NAALADL2: variants seen among roughly 807,000 people sequenced by gnomAD.
NAALADL2 encodes the protein inactive N-acetylated-alpha-linked acidic dipeptidase-like protein 2.
In NAALADL2, 76 loss-of-function variants were observed where a neutral mutation model predicts 87.2. That is an observed-to-expected ratio of 0.87 (90% CI 0.72 to 1.05). NAALADL2 has a LOEUF of 1.05. NAALADL2 is among the 50% of genes least tolerant of loss of function. NAALADL2 has a pLI of 0.00. For missense variants in NAALADL2, 1,089 were observed against 945.8 expected (o/e 1.15, Z -1.99); for synonymous variants, 354 against 331.0 (o/e 1.07, Z -0.75).
intron 13 of NAALADL2, among the ~76,000 whole-genome samples, chr3:175,783,735 C>G (rs898152235): frequency 6.6e-6 from 1 of 151,056 alleles, no homozygotes; most frequent in Admixed American, 6.6e-5. Flanking sequence ...ACTTCCAACA[C>G]TATGTTGAAT....
chr3:174,702,619 G>A (rs1045621113), intron 2 of NAALADL2, among the ~76,000 whole-genome samples: 1 of 152,186 alleles, frequency 6.6e-6, no homozygotes, highest in Non-Finnish European at 1.5e-5. Flanking sequence ...TACACAGCTA[G>A]GCTATGATAT....
chr3:174,453,164 A>G (rs1040828676), intron 1 of NAALADL2, among the ~76,000 whole-genome samples: 22 of 152,350 alleles, frequency 1.4e-4, no homozygotes, highest in Non-Finnish European at 1.9e-4. Context: ...AGCATAATAG[A>G]AAACTGAGGA....
chr3:175,796,337 C>G (rs1322484623), intron 13 of NAALADL2, among the ~76,000 whole-genome samples: 1 of 152,132 alleles, frequency 6.6e-6, no homozygotes, highest in South Asian at 2.1e-4. Flanking sequence ...AAAGGAGTCT[C>G]CACACACAGA....
chr3:174,945,276 T>C (rs1361545112), intron 1 of NAALADL2, among the ~76,000 whole-genome samples: 1 of 152,200 alleles, frequency 6.6e-6, no homozygotes, highest in African/African-American at 2.4e-5. Context: ...AGTACTGGTA[T>C]CACTACTTGA....
intron 1 of NAALADL2, among the ~76,000 whole-genome samples, chr3:174,469,145 T>C (rs1441655198): frequency 1.3e-5 from 2 of 152,224 alleles, no homozygotes; most frequent in Non-Finnish European, 2.9e-5. Flanking sequence ...TTTGTTCTTT[T>C]GGCTATCCTT....
At chr3:175,613,589 T>C (rs1724954791) in intron 10 of NAALADL2, among the ~76,000 whole-genome samples, 1 of 152,204 alleles carries the variant, frequency 6.6e-6, no homozygotes, top group Non-Finnish European at 1.5e-5. Flanking sequence ...CATCTGACTG[T>C]ATTAAATATA....
At chr3:175,635,402 TC>T (rs1467245212) in intron 11 of NAALADL2, among the ~76,000 whole-genome samples, 4 of 152,102 alleles carry the variant, frequency 2.6e-5, no homozygotes, top group African/African-American at 2.4e-5. Flanking sequence ...AGGCTGCTAT[TC>T]TTTTATCATA....
chr3:174,931,020 G>A (rs1736818552), intron 1 of NAALADL2, among the ~76,000 whole-genome samples: 1 of 151,718 alleles, frequency 6.6e-6, no homozygotes, highest in Non-Finnish European at 1.5e-5. Flanking sequence ...ATACTATCAG[G>A]TTCTTGATGA....
intron 10 of NAALADL2, among the ~76,000 whole-genome samples, chr3:175,592,884 TATA>T (rs1412275779): frequency 6.6e-6 from 1 of 151,848 alleles, no homozygotes; most frequent in Admixed American, 6.6e-5. Context: ...AAACTTAAAG[TATA>T]ATAATAATAA....
At chr3:174,860,970 A>C (rs977191735) in intron 1 of NAALADL2, among the ~76,000 whole-genome samples, 3 of 152,120 alleles carry the variant, frequency 2.0e-5, no homozygotes, top group Non-Finnish European at 2.9e-5. Flanking sequence ...AAAACCATGC[A>C]CAAAATTCAA....
At chr3:174,565,754 T>G (rs28711577) in intron 2 of NAALADL2, among the ~76,000 whole-genome samples, 3,093 of 152,152 alleles carry the variant, frequency 0.02, 108 homozygotes, top group African/African-American at 0.07. Context: ...CTAAATTGTC[T>G]TCTGAGGTGT....
intron 1 of NAALADL2, among the ~76,000 whole-genome samples, chr3:174,862,175 G>A (rs915948162): frequency 6.6e-6 from 1 of 152,012 alleles, no homozygotes; most frequent in African/African-American, 2.4e-5. Context: ...TATGGCATAA[G>A]GAATAGGGGT....
chr3:175,360,365 C>A lies in NAALADL2; in HGVS notation c.1090+36040C>A, dbSNP rs558715269. Among the ~76,000 whole-genome samples the A allele has an allele frequency of 1.6e-4, 25 of 152,186 alleles. No homozygotes were observed. In the East Asian group the frequency reaches 3.7e-3, roughly 22 times the overall value. ...AAATATATCAGATGTTCTTTCCATT[C>A]CATTCTTTTAAGCTGAAGATATTGA... On this transcript the variant is annotated intron_variant, in intron 5 of 13. Coordinates refer to ENST00000454872, the MANE Select transcript of NAALADL2 (RefSeq NM_207015.3).
At chr3:174,624,213 A>C (rs1357287158) in intron 2 of NAALADL2, among the ~76,000 whole-genome samples, 1 of 152,196 alleles carries the variant, frequency 6.6e-6, no homozygotes, top group Non-Finnish European at 1.5e-5. Flanking sequence ...AAGTAAGAAA[A>C]ACTGCTCAAG....
intron 1 of NAALADL2, among the ~76,000 whole-genome samples, chr3:174,880,730 G>A (rs1361433919): frequency 1.3e-5 from 2 of 152,028 alleles, no homozygotes; most frequent in South Asian, 2.1e-4. Context: ...TTCTTAATTA[G>A]ATATATTCGT....
intron 3 of NAALADL2, among the ~76,000 whole-genome samples, chr3:174,780,547 C>G (rs1715836830): frequency 6.6e-6 from 1 of 152,148 alleles, no homozygotes; most frequent in South Asian, 2.1e-4. Flanking sequence ...AGAGGCCATC[C>G]TTGCCTTGTA....
intron 2 of NAALADL2, among the ~76,000 whole-genome samples, chr3:174,719,839 C>T (rs1448869141): frequency 6.6e-6 from 1 of 152,096 alleles, no homozygotes; most frequent in Non-Finnish European, 1.5e-5. Flanking sequence ...CTGTTGCCAG[C>T]CTGGAGTGGA....
chr3:175,498,135 C>T (rs1729063852), intron 9 of NAALADL2, among the ~76,000 whole-genome samples: 1 of 151,912 alleles, frequency 6.6e-6, no homozygotes, highest in African/African-American at 2.4e-5. Flanking sequence ...TTACAGATAG[C>T]ACAGTCAGAA....
upstream of NAALADL2, among the ~76,000 whole-genome samples, chr3:174,855,956 ATATGTG>A (rs1725813691): frequency 7.8e-6 from 1 of 128,136 alleles, no homozygotes; most frequent in Admixed American, 8.1e-5. Flanking sequence ...AGATATGAAT[ATATGTG>A]TATGTGTGTG....
Sources: allele counts gnomAD v4.1 joint callset (sites outside exome capture counted in the v4.1 genomes callset), GRCh38; gene constraint gnomAD v4.1.1; transcripts MANE v1.5; gene names NCBI Gene and HGNC (gene_info 2026-07-23, HGNC 2026-07-21).